Variants in GPR107 observed in about 807,000 individuals in gnomAD.
GPR107 encodes the protein protein GPR107.
A neutral mutation model predicts 75.5 loss-of-function variants in GPR107; 31 were observed. The observed-to-expected ratio is 0.41, with a 90% CI of 0.31 to 0.55. GPR107 has a LOEUF of 0.55. GPR107 is among the 20% of genes least tolerant of loss of function. GPR107 has a pLI of 0.26. For missense variants in GPR107, 572 were observed against 665.7 expected (o/e 0.86, Z 1.55); for synonymous variants, 267 against 251.3 (o/e 1.06, Z -0.59).
intron 1 of GPR107, among the ~76,000 whole-genome samples, chr9:130,055,504 G>GAGT (rs1257224692): frequency 2.1e-5 from 3 of 145,166 alleles, no homozygotes; most frequent in Non-Finnish European, 3.0e-5. Context: ...CTCCAGCCTG[G>GAGT]GCAACAGCGC....
In GPR107 at chr9:130,103,929, G is replaced by T. The variant is rs1358529822; in HGVS notation, c.1132-491G>T. ...GTGGCTAGCTGGGTAGGTCTGACTTGGGTCTTGTGGTCATAGTCACACCAT... is the reference window on the plus strand; with the variant it reads ...GTGGCTAGCTGGGTAGGTCTGACTTTGGTCTTGTGGTCATAGTCACACCAT... On this transcript the variant is annotated intron_variant, in intron 12 of 17. Coordinates refer to ENST00000347136, the MANE Select transcript of GPR107 (RefSeq NM_020960.5). This position sits in a 1 kb window ranked among gnomAD's most constrained non-coding sequence, Gnocchi z 4.3. Among the ~76,000 whole-genome samples, 2 of 152,178 alleles carry T rather than the reference G, an allele frequency of 1.3e-5. No individual in the cohort carries two copies. Among genetic ancestry groups the T allele is most frequent in the Non-Finnish European group, 2.9e-5 (2 of 68,038 alleles).
Position 130,128,871 on chromosome 9 carries a change from G to A in GPR107, c.1562+110G>A. On this transcript the variant is annotated intron_variant, in intron 17 of 17. Coordinates refer to ENST00000347136, the MANE Select transcript of GPR107 (RefSeq NM_020960.5). ...TCAGCATTTCGTGGCTGCAGGGGTG[G>A]TTCCTCTATTTTTAGCAGAAGGAAG... 4 of 1,000,684 alleles carry A rather than the reference G, an allele frequency of 4.0e-6. No individual in the cohort carries two copies. The East Asian group carries it at 7.2e-5, about 18-fold the overall frequency. 62.0% of individuals were successfully genotyped at this position (1,000,684 alleles called of 1,614,324 possible). A position where few individuals can be genotyped will look rare whatever the true frequency, so the allele number is the denominator to read the frequency against.
intron 1 of GPR107, among the ~76,000 whole-genome samples, chr9:130,059,795 A>G (rs922591649): frequency 1.3e-5 from 2 of 148,476 alleles, no homozygotes; most frequent in African/African-American, 2.5e-5. Context: ...CTGGAATGCC[A>G]TGGTATAATC....
At chr9:130,067,371 G>C (rs916769111) in intron 1 of GPR107, among the ~76,000 whole-genome samples, 1 of 152,134 alleles carries the variant, frequency 6.6e-6, no homozygotes. Context: ...GCAGCCCCTT[G>C]AGATAGATGT....
At chr9:130,072,770 A>G (rs1223219974) in intron 1 of GPR107, among the ~76,000 whole-genome samples, 2 of 152,170 alleles carry the variant, frequency 1.3e-5, no homozygotes, top group Non-Finnish European at 2.9e-5. Context: ...CTGGAAAAAA[A>G]AAACAAAACA....
chr9:130,055,494 C>G (rs1413503355), intron 1 of GPR107, among the ~76,000 whole-genome samples: 3 of 140,554 alleles, frequency 2.1e-5, no homozygotes, highest in Non-Finnish European at 3.0e-5. Context: ...CGCCACTGCA[C>G]TCCAGCCTGG....
At chr9:130,109,252 C>T (rs1189481812) in intron 14 of GPR107, among the ~76,000 whole-genome samples, 2 of 152,032 alleles carry the variant, frequency 1.3e-5, no homozygotes, top group African/African-American at 4.8e-5. Context: ...CTCTCTGTAG[C>T]CTCTGCCTTC....
chr9:130,101,487 G>A (rs75071220), intron 12 of GPR107, among the ~76,000 whole-genome samples: 176 of 152,352 alleles, frequency 1.2e-3, no homozygotes, highest in African/African-American at 3.8e-3. Flanking sequence ...GAGACACACA[G>A]TAACACACAG....
At chr9:130,061,641 G>A (rs920389149) in intron 1 of GPR107, among the ~76,000 whole-genome samples, 1 of 152,142 alleles carries the variant, frequency 6.6e-6, no homozygotes, top group Admixed American at 6.6e-5. Flanking sequence ...GAGACTGGAA[G>A]AGTAAGAATT....
chr9:130,133,489 G>T (rs1029030115), intron 17 of GPR107, among the ~76,000 whole-genome samples: 1 of 152,200 alleles, frequency 6.6e-6, no homozygotes, highest in Non-Finnish European at 1.5e-5. Context: ...AGGCACGGGG[G>T]CTGCTACGTG....
intron 17 of GPR107, among the ~76,000 whole-genome samples, chr9:130,132,218 G>A (rs1831844012): frequency 6.6e-6 from 1 of 152,090 alleles, no homozygotes; most frequent in Admixed American, 6.6e-5. Context: ...CATTCTCCCG[G>A]GCTCTAGAAT....
chr9:130,125,446 T>A (rs545775254), intron 15 of GPR107, among the ~76,000 whole-genome samples: 2 of 150,796 alleles, frequency 1.3e-5, no homozygotes, highest in East Asian at 3.9e-4. Flanking sequence ...TACCTTAAGA[T>A]GGACTCCAAC....
intron 1 of GPR107, among the ~76,000 whole-genome samples, chr9:130,055,141 T>C (rs1829724682): frequency 6.6e-6 from 1 of 152,110 alleles, no homozygotes; most frequent in Non-Finnish European, 1.5e-5. Flanking sequence ...CAAACTCTTG[T>C]ACATTATTTT....
chr9:130,072,961 T>C lies in GPR107; in HGVS notation c.142-2675T>C, dbSNP rs530843394. 5.9e-5 allele frequency among the ~76,000 whole-genome samples: 9 copies of C among 152,270 alleles called. 1 individual carries two copies. The highest frequency in any genetic ancestry group is 2.2e-4 in the African/African-American group (9 of 41,556). On this transcript the variant is annotated intron_variant, in intron 1 of 17. Transcript: ENST00000347136. ...CATTATAAGCAAACAACTCAGCGCA[T>C]TTCCAGAACGTAGACACACTCATGC...
chr9:130,054,055 C>T lies in GPR107; in HGVS notation c.123C>T (p.Val41=), dbSNP rs376105666. 270 of 1,554,198 alleles carry T rather than the reference C, an allele frequency of 1.7e-4. 2 individuals carry two copies. The Middle Eastern group carries it at 0.01, about 59-fold the overall frequency. ...TGGCCGAGCCTGGCCTGGGCCGCGT[C>T]CATCACCTGGCACTCAAGGTAAAGC... ...QLLAEPGLGR[V]HHLALKDDVR... is the part of the protein sequence containing the mutation. Residue 41 remains valine, a synonymous_variant, in exon 1 of 18, where the codon GTC becomes GTT. Coordinates refer to ENST00000347136, the MANE Select transcript of GPR107 (RefSeq NM_020960.5).
At chr9:130,078,151 T>A (rs1830404427) in intron 4 of GPR107, among the ~76,000 whole-genome samples, 1 of 147,334 alleles carries the variant, frequency 6.8e-6, no homozygotes, top group African/African-American at 2.5e-5. Flanking sequence ...GGTGAGAGAG[T>A]GAGACTCCGT....
rs745535870 is a variant in GPR107, at chr9:130,092,240, G to C, written c.730-8G>C. On this transcript the variant is annotated splice_region_variant and splice_polypyrimidine_tract_variant and intron_variant, in intron 8 of 17. Transcript: ENST00000347136. ...GAAAAGTAAAAATTAATTTCATGCT[G>C]GTTTCAGATTGAGATCACAGAGAAG... is the stretch of plus-strand genomic sequence containing the variant. The C allele has an allele frequency of 6.8e-6, 11 of 1,606,828 alleles. No homozygotes were observed. Among genetic ancestry groups the C allele is most frequent in the Non-Finnish European group, 9.4e-6 (11 of 1,174,154 alleles).
intron 1 of GPR107, among the ~76,000 whole-genome samples, chr9:130,064,100 A>G (rs1830001882): frequency 6.6e-6 from 1 of 151,522 alleles, no homozygotes; most frequent in Non-Finnish European, 1.5e-5. Context: ...AGTGTGAGCC[A>G]CTGCGCCCAG....
At chr9:130,056,485 G>A (rs1189334689) in intron 1 of GPR107, among the ~76,000 whole-genome samples, 1 of 151,630 alleles carries the variant, frequency 6.6e-6, no homozygotes, top group Non-Finnish European at 1.5e-5. Context: ...ATAAACATCC[G>A]AAGTCAGGGG....
Sources: gnomAD v4.1 joint callset for allele counts (sites outside exome capture counted in the v4.1 genomes callset) on GRCh38, gnomAD v4.1.1 for gene constraint, Gnocchi (gnomAD v3.1) non-coding constraint, MANE v1.5 for transcripts, NCBI Gene and HGNC (gene_info 2026-07-23, HGNC 2026-07-21) for gene names.